Variants in ORAI2 observed in about 807,000 individuals in gnomAD.
ORAI2 encodes the protein protein orai-2.
In ORAI2, 10 loss-of-function variants were observed where a neutral mutation model predicts 16.2. The observed-to-expected ratio is 0.62, with a 90% CI of 0.38 to 1.04. The LOEUF (loss-of-function observed/expected upper bound fraction) is 1.04, where lower values mean the gene tolerates loss of function less well. ORAI2 is among the 50% of genes least tolerant of loss of function. The pLI is 0.01. For synonymous variants in ORAI2, 150 were observed against 157.5 expected (o/e 0.95, Z 0.35); for missense variants, 238 against 355.5 (o/e 0.67, Z 2.66).
intron 3 of ORAI2, among the ~76,000 whole-genome samples, chr7:102,443,135 T>TC (rs1563636658): frequency 1.5e-4 from 20 of 130,044 alleles, no homozygotes; most frequent in African/African-American, 5.9e-4. Flanking sequence ...CTTCTTCTTT[T>TC]TTTTTTTTTT....
rs1198790353 is a variant in ORAI2 at position 102,439,088 on chromosome 7, G to A, written c.132G>A (p.Ser44=). 2.0e-5 allele frequency: 32 copies of A among 1,613,964 alleles called. No individual in the cohort carries two copies. The highest frequency in any genetic ancestry group is 2.5e-5 in the Non-Finnish European group (30 of 1,180,056). ...YLELVTSNHH[S]VQALSWRKLY... ...AACTGGTCACCTCTAACCACCACTC[G>A]GTACAGGCCCTGTCGTGGCGGAAGC... The change falls in exon 3 of 4, where the codon TCG becomes TCA. Residue 44 remains serine, a synonymous_variant. Coordinates refer to ENST00000495936, the MANE Select transcript of ORAI2 (RefSeq NM_001126340.3).
intron 3 of ORAI2, among the ~76,000 whole-genome samples, chr7:102,441,729 C>G (rs1184591915): frequency 6.6e-6 from 1 of 151,820 alleles, no homozygotes; most frequent in African/African-American, 2.4e-5. Context: ...AGATGTGGAA[C>G]TCATAGATAC....
rs1425570043 is a variant in ORAI2 at position 102,456,093 on chromosome 7, G to A, written c.*9041G>A. Reference sequence around the variant, plus strand: ...TGGTGGGAGAGAGGGCTGGCCACATGGGTCCAGGCCACCCCCTCAGCCTCC... The same window carrying A: ...TGGTGGGAGAGAGGGCTGGCCACATAGGTCCAGGCCACCCCCTCAGCCTCC... On this transcript the variant is annotated 3_prime_UTR_variant, in exon 4 of 4. Transcript: ENST00000495936. 1 of 153,498 alleles carries A rather than the reference G, an allele frequency of 6.5e-6. No homozygotes were observed. Among genetic ancestry groups the A allele is most frequent in the Non-Finnish European group, 1.5e-5 (1 of 68,050 alleles). The allele number at this position is 153,498 out of a possible 1,614,324, so 9.5% of individuals were successfully genotyped here.
chr7:102,442,857 C>CAA (rs763868369), intron 3 of ORAI2, among the ~76,000 whole-genome samples: 6 of 88,436 alleles, frequency 6.8e-5, no homozygotes, highest in Non-Finnish European at 9.4e-5. Flanking sequence ...GACTCCGTCT[C>CAA]AAAAAAAAAA....
chr7:102,436,374 C>G (rs902728123), intron 2 of ORAI2, 41 bp downstream of exon 2: 2 of 983,778 alleles, frequency 2.0e-6, no homozygotes, highest in East Asian at 2.3e-4. Context: ...AGAACTGTTC[C>G]CAGAGGTCTT....
At chr7:102,446,232 A>G (rs987595546) in intron 3 of ORAI2, among the ~76,000 whole-genome samples, 5 of 152,262 alleles carry the variant, frequency 3.3e-5, no homozygotes, top group Non-Finnish European at 5.9e-5. Context: ...TATAGGCGTG[A>G]GCGACCACGC....
chr7:102,445,354 C>T (rs1444967280), intron 3 of ORAI2, among the ~76,000 whole-genome samples: 2 of 151,222 alleles, frequency 1.3e-5, no homozygotes, highest in African/African-American at 4.9e-5. Flanking sequence ...GTCTCAAACT[C>T]CTGGGCTCAA....
rs1335438337 is a variant in ORAI2 at position 102,455,284 on chromosome 7, G to A, written c.*8232G>A. ...GGGCCGTGTACGGGGGCCAGGCTGTGGCAGAAGCATCCTGGCGTGGCCTTC... is the reference window on the plus strand; with the variant it reads ...GGGCCGTGTACGGGGGCCAGGCTGTAGCAGAAGCATCCTGGCGTGGCCTTC... On this transcript the variant is annotated 3_prime_UTR_variant, in exon 4 of 4. Transcript: ENST00000495936. The A allele has an allele frequency of 2.0e-5, 3 of 152,290 alleles. No homozygotes were observed. Among genetic ancestry groups the A allele is most frequent in the African/African-American group, 7.2e-5 (3 of 41,448 alleles). 9.4% of individuals were successfully genotyped at this position (152,290 alleles called of 1,614,324 possible).
At chr7:102,434,544 C>T (rs571871327) in intron 1 of ORAI2, among the ~76,000 whole-genome samples, 339 of 152,320 alleles carry the variant, frequency 2.2e-3, no homozygotes, top group Non-Finnish European at 3.5e-3. Context: ...CAGACCTGAG[C>T]CCAGCCCACC....
At position 102,449,330 on chromosome 7, in the gene ORAI2, G is replaced by A. The variant is rs1173233002; in HGVS notation, c.*2278G>A. ...TGTCATCCCAGCACTTTGGGAGGCT[G>A]AGGTGGGAGGATCACTTGGGCCCAG... On this transcript the variant is annotated 3_prime_UTR_variant, in exon 4 of 4. Coordinates refer to ENST00000495936, the MANE Select transcript of ORAI2 (RefSeq NM_001126340.3). 1 of 152,046 alleles carries A rather than the reference G, an allele frequency of 6.6e-6. No homozygotes were observed. Among genetic ancestry groups the A allele is most frequent in the Non-Finnish European group, 1.5e-5 (1 of 68,012 alleles). The allele number at this position is 152,046 out of a possible 1,614,324, so 9.4% of individuals were successfully genotyped here.
intron 3 of ORAI2, among the ~76,000 whole-genome samples, chr7:102,445,612 G>A (rs1372711430): frequency 1.3e-5 from 2 of 151,898 alleles, no homozygotes; most frequent in African/African-American, 2.4e-5. Flanking sequence ...CACCATGCCC[G>A]GCTAATTTTG....
At chr7:102,439,563 C>T (rs1797144173) in intron 3 of ORAI2, among the ~76,000 whole-genome samples, 1 of 151,966 alleles carries the variant, frequency 6.6e-6, no homozygotes, top group Non-Finnish European at 1.5e-5. Context: ...AGTTTGAGAC[C>T]AGCCTGGGCA....
intron 3 of ORAI2, among the ~76,000 whole-genome samples, chr7:102,440,589 C>T (rs188930086): frequency 2.6e-5 from 4 of 152,164 alleles, no homozygotes; most frequent in East Asian, 1.9e-4. Context: ...CTGGAGAGGG[C>T]GGTGGTGTGA....
At chr7:102,444,495 C>G (rs993645369) in intron 3 of ORAI2, among the ~76,000 whole-genome samples, 2 of 56,148 alleles carry the variant, frequency 3.6e-5, no homozygotes, top group African/African-American at 7.8e-5. Flanking sequence ...TCAAGTGATC[C>G]GCCCCCCCCC....
In ORAI2 at chr7:102,439,110, A is replaced by C. The variant is rs1797131146; in HGVS notation, c.154A>C (p.Lys52Gln). 1.2e-6 allele frequency: 2 copies of C among 1,613,896 alleles called. No homozygotes were observed. Among genetic ancestry groups the C allele is most frequent in the Non-Finnish European group, 8.5e-7 (1 of 1,180,044 alleles). ...CTCGGTACAGGCCCTGTCGTGGCGG[A>C]AGCTCTACCTGAGCAGGGCCAAGCT... ...HHSVQALSWR[K>Q]LYLSRAKLKA... Residue 52 changes from lysine (K) to glutamine (Q), a missense_variant, in exon 3 of 4, where the codon AAG becomes CAG. Physicochemically the swap from Lys to Gln is moderately conservative, Grantham distance 53. Transcript: ENST00000495936.
chr7:102,436,756 G>T lies in ORAI2; in HGVS notation c.-14+423G>T, dbSNP rs577021312. 7.9e-5 allele frequency among the ~76,000 whole-genome samples: 12 copies of T among 152,076 alleles called. No individual in the cohort carries two copies. In the East Asian group the frequency reaches 2.1e-3, roughly 27 times the overall value. On this transcript the variant is annotated intron_variant, in intron 2 of 3. Transcript: ENST00000495936. The stretch of plus-strand genomic sequence containing the variant: ...GACGGAATCCTGCTCTGTCACCCAG[G>T]CTGGAGTGCAGTGGCGCAATCTTGG...
At position 102,447,284 on chromosome 7, in the gene ORAI2, C is replaced by T. The variant is rs191978517; in HGVS notation, c.*232C>T. 606 of 558,226 alleles carry T rather than the reference C, an allele frequency of 1.1e-3. 5 individuals are homozygous for T. The highest frequency in any genetic ancestry group is 8.8e-3 in the Admixed American group (248 of 28,122). 34.6% of individuals were successfully genotyped at this position (558,226 alleles called of 1,614,324 possible). A position where few individuals can be genotyped will look rare whatever the true frequency, so the allele number is the denominator to read the frequency against. Reference sequence around the variant, plus strand: ...CAAAGCCAGGCTGGTTCCTTGGCCTCGGGGTTTCCTGGGTCGGGGACACGG... The same window carrying T: ...CAAAGCCAGGCTGGTTCCTTGGCCTTGGGGTTTCCTGGGTCGGGGACACGG... On this transcript the variant is annotated 3_prime_UTR_variant, in exon 4 of 4. Coordinates refer to ENST00000495936, the MANE Select transcript of ORAI2 (RefSeq NM_001126340.3).
chr7:102,455,914 T>C lies in ORAI2; in HGVS notation c.*8862T>C, dbSNP rs4729789. ...CCTCCTGGGAGCTCAGTGGCTGGGA[T>C]GCTGCTTTACAGACAGTGCACGGCT... On this transcript the variant is annotated 3_prime_UTR_variant, in exon 4 of 4. Coordinates refer to ENST00000495936, the MANE Select transcript of ORAI2 (RefSeq NM_001126340.3). 0.93 allele frequency: 142,065 copies of C among 152,378 alleles called. 66,256 individuals carry two copies. Among genetic ancestry groups the C allele is most frequent in the East Asian group, 1 (5,184 of 5,188 alleles). The allele number at this position is 152,378 out of a possible 1,614,324, so 9.4% of individuals were successfully genotyped here.
At chr7:102,438,790 G>A (rs1797122558) in intron 2 of ORAI2, among the ~76,000 whole-genome samples, 154 bp from the exon 3 acceptor site, 1 of 152,030 alleles carries the variant, frequency 6.6e-6, no homozygotes, top group South Asian at 2.1e-4. Flanking sequence ...AACAAACAAA[G>A]AAACATAACT....
Sources: allele counts gnomAD v4.1 joint callset (sites outside exome capture counted in the v4.1 genomes callset), GRCh38; gene constraint gnomAD v4.1.1; transcripts MANE v1.5; gene names NCBI Gene and HGNC (gene_info 2026-07-23, HGNC 2026-07-21).